Variants in FBXO25 observed in about 807,000 individuals in gnomAD.
The protein encoded by FBXO25 is F-box only protein 25.
Under a neutral mutation model 51.9 loss-of-function variants are expected in FBXO25, and 45 were observed. That is an observed-to-expected ratio of 0.87 (90% CI 0.68 to 1.11). The LOEUF (loss-of-function observed/expected upper bound fraction) is 1.11, where lower values mean the gene tolerates loss of function less well. Among genes scored for constraint, FBXO25 ranks in the 50% most tolerant of loss-of-function variants. FBXO25 has a pLI of 0.00. For missense variants in FBXO25, 507 were observed against 428.5 expected (o/e 1.18, Z -1.62); for synonymous variants, 199 against 151.0 (o/e 1.32, Z -2.33).
chr8:423,299 T>C (rs1393042910), intron 2 of FBXO25, among the ~76,000 whole-genome samples: 1 of 152,196 alleles, frequency 6.6e-6, no homozygotes, highest in East Asian at 1.9e-4. Flanking sequence ...GCTTACTGGT[T>C]CTTCTTCTCC....
intron 9 of FBXO25, among the ~76,000 whole-genome samples, chr8:468,481 AC>A (rs1202731981): frequency 6.6e-6 from 1 of 152,026 alleles, no homozygotes; most frequent in Non-Finnish European, 1.5e-5. Flanking sequence ...TGGAGGGCAG[AC>A]CTGGGGCCAC....
At chr8:465,383 A>G (rs1359108409) in intron 9 of FBXO25, among the ~76,000 whole-genome samples, 2 of 152,202 alleles carry the variant, frequency 1.3e-5, no homozygotes, top group Non-Finnish European at 2.9e-5. Flanking sequence ...GTTTTGTACT[A>G]TAGAACTATT....
rs182716153 is a variant in FBXO25 at position 465,400 on chromosome 8, A to C, written c.987+2250A>C. Among the ~76,000 whole-genome samples the C allele has an allele frequency of 2.6e-5, 4 of 152,356 alleles. No homozygotes were observed. In the East Asian group the frequency reaches 7.7e-4, roughly 29 times the overall value. On this transcript the variant is annotated intron_variant, in intron 9 of 9. Coordinates refer to ENST00000350302, the MANE Select transcript of FBXO25 (RefSeq NM_183420.2). ...TTTGTACTATAGAACTATTACAAGC[A>C]ATGATACTTTTATAGGGAAAATACC...
At chr8:434,685 T>G (rs1175263762) in intron 4 of FBXO25, among the ~76,000 whole-genome samples, 2 of 152,166 alleles carry the variant, frequency 1.3e-5, no homozygotes, top group Admixed American at 1.3e-4. Context: ...TTTTTCTAGC[T>G]TATCTCTACA....
chr8:452,011 C>G (rs188512594), intron 7 of FBXO25, among the ~76,000 whole-genome samples: 3 of 152,268 alleles, frequency 2.0e-5, no homozygotes, highest in Admixed American at 1.3e-4. Context: ...TTTTATTTAA[C>G]TCTAGTACTC....
intron 2 of FBXO25, among the ~76,000 whole-genome samples, chr8:416,281 A>G (rs1796796832): frequency 6.6e-6 from 1 of 152,164 alleles, no homozygotes; most frequent in Admixed American, 6.5e-5. Context: ...TCGGCTCCCT[A>G]CATACTCCTT....
rs568381448 is a variant in FBXO25 at position 424,159 on chromosome 8, C to G, written c.135-7182C>G. 2.0e-5 allele frequency among the ~76,000 whole-genome samples: 3 copies of G among 148,082 alleles called. No homozygotes were observed. The South Asian group carries it at 6.5e-4, about 32-fold the overall frequency. On this transcript the variant is annotated intron_variant, in intron 2 of 9. Coordinates refer to ENST00000350302, the MANE Select transcript of FBXO25 (RefSeq NM_183420.2). Reference sequence around the variant, plus strand: ...TTTGAGACAGAGTCTCACTCTGACACCCAGGCTGGAGTGCAGTGGCGCAAT... The same window carrying G: ...TTTGAGACAGAGTCTCACTCTGACAGCCAGGCTGGAGTGCAGTGGCGCAAT...
chr8:464,773 T>C (rs550209523), intron 9 of FBXO25, among the ~76,000 whole-genome samples: 1 of 152,356 alleles, frequency 6.6e-6, no homozygotes, highest in South Asian at 2.1e-4. Flanking sequence ...ATTTGGTATA[T>C]CAAAGGTAAA....
chr8:454,210 A>G (rs943014356), intron 7 of FBXO25, among the ~76,000 whole-genome samples: 1 of 152,246 alleles, frequency 6.6e-6, no homozygotes, highest in Non-Finnish European at 1.5e-5. Flanking sequence ...TTGTGTTGTA[A>G]AGTTCCTAAG....
intron 4 of FBXO25, among the ~76,000 whole-genome samples, chr8:433,608 C>G (rs1007789287): frequency 1.3e-5 from 2 of 152,160 alleles, no homozygotes; most frequent in African/African-American, 4.8e-5. Context: ...AACGAGAGAG[C>G]TTCAAGCTGT....
In FBXO25 at chr8:474,471, C is replaced by G. The variant is rs1459925355; in HGVS notation, c.*5667C>G. 3.1e-6 allele frequency: 1 copy of G among 324,116 alleles called. No homozygotes were observed. The highest frequency in any genetic ancestry group is 5.9e-6 in the Non-Finnish European group (1 of 168,388). 20.1% of individuals were successfully genotyped at this position (324,116 alleles called of 1,614,324 possible). A position where few individuals can be genotyped will look rare whatever the true frequency, so the allele number is the denominator to read the frequency against. ...CTATGTTTAATTTCTTAGGGCACTG[C>G]CATAAGTGTTTTACACGGTGGCTGC... On this transcript the variant is annotated 3_prime_UTR_variant, in exon 10 of 10. Coordinates refer to ENST00000350302, the MANE Select transcript of FBXO25 (RefSeq NM_183420.2).
Position 432,210 on chromosome 8 carries a change from G to A in FBXO25, c.239-676G>A, listed in dbSNP as rs1357372192. On this transcript the variant is annotated intron_variant, in intron 3 of 9. Coordinates refer to ENST00000350302, the MANE Select transcript of FBXO25 (RefSeq NM_183420.2). ...CAACAGGTGATCCGATAACCAAGAC[G>A]GCTACTGAGTGACCAAGGGGCGGGT... Among the ~76,000 whole-genome samples the A allele has an allele frequency of 3.3e-5, 5 of 152,088 alleles. 1 individual carries two copies. Among genetic ancestry groups the A allele is most frequent in the South Asian group, 4.1e-4 (2 of 4,826 alleles).
chr8:442,799 AAAGAT>A (rs1798511261), intron 5 of FBXO25, among the ~76,000 whole-genome samples: 1 of 152,174 alleles, frequency 6.6e-6, no homozygotes, highest in African/African-American at 2.4e-5. Flanking sequence ...GATTCTACAC[AAAGAT>A]ATCTTCTAAT....
intron 1 of FBXO25, among the ~76,000 whole-genome samples, chr8:408,498 T>C (rs1796300357): frequency 6.6e-6 from 1 of 152,232 alleles, no homozygotes; most frequent in South Asian, 2.1e-4. Flanking sequence ...ATCTTTAAAA[T>C]ACATAATGAA....
intron 9 of FBXO25, among the ~76,000 whole-genome samples, chr8:468,463 T>C (rs1040627417): frequency 1.3e-5 from 2 of 152,124 alleles, no homozygotes; most frequent in Admixed American, 1.3e-4. Context: ...CAGTACCAGA[T>C]TCGGCACTGG....
At chr8:435,047 G>C (rs1284001381) in intron 4 of FBXO25, among the ~76,000 whole-genome samples, 2 of 152,080 alleles carry the variant, frequency 1.3e-5, no homozygotes, top group Non-Finnish European at 2.9e-5. Flanking sequence ...GCACCTTCTT[G>C]CTACCGAAGC....
At chr8:423,148 C>T (rs1193163705) in intron 2 of FBXO25, among the ~76,000 whole-genome samples, 1 of 151,172 alleles carries the variant, frequency 6.6e-6, no homozygotes, top group East Asian at 1.9e-4. Context: ...GCAATTGGGA[C>T]TACAGGGTTT....
At chr8:433,203 A>G (rs1797916567) in intron 4 of FBXO25, among the ~76,000 whole-genome samples, 1 of 152,028 alleles carries the variant, frequency 6.6e-6, no homozygotes, top group African/African-American at 2.4e-5. Flanking sequence ...TGTGTGTGGT[A>G]TATATGGTGT....
At chr8:429,816 G>A (rs976333539) in intron 2 of FBXO25, among the ~76,000 whole-genome samples, 10 of 152,338 alleles carry the variant, frequency 6.6e-5, no homozygotes, top group East Asian at 1.9e-4. Context: ...CCCAGGAAGT[G>A]TCCCAGCAGT....
Sources: allele counts gnomAD v4.1 joint callset (sites outside exome capture counted in the v4.1 genomes callset), GRCh38; gene constraint gnomAD v4.1.1; transcripts MANE v1.5; gene names NCBI Gene and HGNC (gene_info 2026-07-23, HGNC 2026-07-21).